Variants in ELP3 observed in about 807,000 individuals in gnomAD.
ELP3 encodes elongator acetyltransferase complex subunit 3.
ELP3 carries 56 observed loss-of-function variants against 74.9 expected under a neutral mutation model. That is an observed-to-expected ratio of 0.75 (90% CI 0.60 to 0.93). The LOEUF is 0.93. Ranked by LOEUF, ELP3 falls within the 40% of genes least tolerant of loss-of-function variation. The pLI, the probability that ELP3 is intolerant of heterozygous loss-of-function variation, is 0.00. For missense variants in ELP3, 573 were observed against 686.5 expected (o/e 0.83, Z 1.85); for synonymous variants, 222 against 239.8 (o/e 0.93, Z 0.68).
intron 14 of ELP3, among the ~76,000 whole-genome samples, chr8:28,180,799 C>G (rs751808820): frequency 3.9e-5 from 6 of 152,194 alleles, no homozygotes; most frequent in Non-Finnish European, 8.8e-5. Context: ...CCTCCCAATT[C>G]AGAGCCTTTC....
chr8:28,107,265 T>A (rs1811735841), intron 4 of ELP3, among the ~76,000 whole-genome samples: 1 of 152,052 alleles, frequency 6.6e-6, no homozygotes, highest in Admixed American at 6.6e-5. Context: ...ATAAATAAAA[T>A]TAGAACATAT....
intron 11 of ELP3, 85 bp from the exon 12 acceptor site, chr8:28,158,482 TA>T: frequency 1.1e-6 from 1 of 916,560 alleles, no homozygotes; most frequent in South Asian, 1.4e-5. Flanking sequence ...GAGGTTTAAA[TA>T]AAAATAAAGA....
rs537559004 is a variant in ELP3 at position 28,144,649 on chromosome 8, A to C, written c.1100+6758A>C. The stretch of plus-strand genomic sequence containing the variant: ...AACAAAAACCCTGAAATTCCATTTC[A>C]AAGTGTTTCAAAATTTATATTCAGA... On this transcript the variant is annotated intron_variant, in intron 10 of 14. Coordinates refer to ENST00000256398, the MANE Select transcript of ELP3 (RefSeq NM_018091.6). 3.9e-5 allele frequency among the ~76,000 whole-genome samples: 6 copies of C among 152,310 alleles called. No homozygotes were observed. In the East Asian group the frequency reaches 1.2e-3, roughly 29 times the overall value.
chr8:28,155,642 A>G (rs1284629471), intron 10 of ELP3, among the ~76,000 whole-genome samples: 3 of 152,234 alleles, frequency 2.0e-5, no homozygotes, highest in Non-Finnish European at 4.4e-5. Flanking sequence ...AAAAATCTTT[A>G]CAAATGGTTA....
intron 7 of ELP3, among the ~76,000 whole-genome samples, chr8:28,116,874 A>T (rs1812159741): frequency 6.6e-6 from 1 of 152,138 alleles, no homozygotes; most frequent in Non-Finnish European, 1.5e-5. Context: ...ATCAAACTAT[A>T]CCTTAGATAA....
chr8:28,184,392 G>A (rs140540702), intron 14 of ELP3, among the ~76,000 whole-genome samples: 112 of 152,250 alleles, frequency 7.4e-4, no homozygotes, highest in East Asian at 2.9e-3. Flanking sequence ...AAGGCCCATC[G>A]TGAGGCCTGA....
chr8:28,110,246 A>T (rs1811861416), intron 5 of ELP3, 124 bp from the exon 6 acceptor site: 5 of 809,876 alleles, frequency 6.2e-6, no homozygotes, highest in Non-Finnish European at 1.0e-5. Flanking sequence ...AGAAAAATTA[A>T]TGCGGGTACA....
At chr8:28,183,097 A>T (rs1815084562) in intron 14 of ELP3, 1 of 455,648 alleles carries the variant, frequency 2.2e-6, no homozygotes, top group South Asian at 1.6e-5. Context: ...GTCTATCTAT[A>T]ATTGATCTAA....
At chr8:28,135,824 C>G (rs1410849131) in intron 9 of ELP3, among the ~76,000 whole-genome samples, 1 of 152,144 alleles carries the variant, frequency 6.6e-6, no homozygotes, top group Non-Finnish European at 1.5e-5. Flanking sequence ...ATTTTCTTTA[C>G]TTGCAAAGTC....
intron 6 of ELP3, 53 bp from the exon 7 acceptor site, chr8:28,112,966 A>G: frequency 5.3e-6 from 8 of 1,517,544 alleles, no homozygotes; most frequent in Non-Finnish European, 5.4e-6. Flanking sequence ...ATGCCTTCTT[A>G]GAGTAGTTCC....
At chr8:28,168,762 T>C (rs1814407313) in intron 14 of ELP3, among the ~76,000 whole-genome samples, 1 of 152,228 alleles carries the variant, frequency 6.6e-6, no homozygotes, top group Admixed American at 6.5e-5. Context: ...ATATGAATAG[T>C]ACTGTTCTTT....
chr8:28,162,166 G>A (rs1478941519), intron 14 of ELP3, 88 bp downstream of exon 14: 2 of 1,334,330 alleles, frequency 1.5e-6, no homozygotes, highest in Non-Finnish European at 2.1e-6. Context: ...TCTTGCCCCT[G>A]TTGATGGTTA....
At chr8:28,164,837 T>C (rs972315805) in intron 14 of ELP3, among the ~76,000 whole-genome samples, 4 of 152,106 alleles carry the variant, frequency 2.6e-5, no homozygotes, top group Non-Finnish European at 5.9e-5. Context: ...TAATGTTGTG[T>C]TTTTCCGGTT....
chr8:28,131,464 A>C (rs1206522117), intron 8 of ELP3, among the ~76,000 whole-genome samples: 1 of 152,178 alleles, frequency 6.6e-6, no homozygotes, highest in Non-Finnish European at 1.5e-5. Flanking sequence ...TTGTCCTAGG[A>C]ATTGGGAAGT....
At chr8:28,158,781 C>A in intron 12 of ELP3, 148 bp downstream of exon 12, 1 of 656,516 alleles carries the variant, frequency 1.5e-6, no homozygotes, top group South Asian at 2.2e-5. Context: ...GGTGTCAAAC[C>A]GTGAAAGCCA....
intron 14 of ELP3, among the ~76,000 whole-genome samples, chr8:28,186,304 G>A (rs1363981264): frequency 6.6e-6 from 1 of 152,184 alleles, no homozygotes; most frequent in Admixed American, 6.5e-5. Flanking sequence ...ACACCGAGCT[G>A]TATACTTAAA....
chr8:28,184,240 G>A (rs1036883523), intron 14 of ELP3, among the ~76,000 whole-genome samples: 2 of 152,188 alleles, frequency 1.3e-5, no homozygotes, highest in Non-Finnish European at 2.9e-5. Context: ...CTGACTAGAG[G>A]TGAAGTTCCC....
intron 7 of ELP3, among the ~76,000 whole-genome samples, chr8:28,114,386 G>A (rs767883142): frequency 6.6e-6 from 1 of 152,112 alleles, no homozygotes; most frequent in Non-Finnish European, 1.5e-5. Flanking sequence ...GGTTTAATTG[G>A]TTCCAGTTCT....
At chr8:28,169,758 G>A (rs918176676) in intron 14 of ELP3, among the ~76,000 whole-genome samples, 1 of 152,216 alleles carries the variant, frequency 6.6e-6, no homozygotes, top group Non-Finnish European at 1.5e-5. Flanking sequence ...TAACAAGGCT[G>A]TAGTCAAGGT....
Sources: allele counts gnomAD v4.1 joint callset (sites outside exome capture counted in the v4.1 genomes callset), GRCh38; gene constraint gnomAD v4.1.1; transcripts MANE v1.5; gene names NCBI Gene and HGNC (gene_info 2026-07-23, HGNC 2026-07-21).